The following STK32B variants were observed in gnomAD, a reference collection of about 807,000 sequenced individuals.
STK32B encodes the protein serine/threonine-protein kinase 32B.
In STK32B, 43 loss-of-function variants were observed where a neutral mutation model predicts 52.6. The ratio of observed to expected loss-of-function variants is 0.82; its 90% CI spans 0.64 to 1.05. STK32B has a LOEUF of 1.05. Ranked by LOEUF, STK32B falls within the 50% of genes least tolerant of loss-of-function variation. The probability of loss-of-function intolerance (pLI) is 0.00; values close to 1 mark genes in which losing one functional copy is unlikely to be tolerated. For synonymous variants in STK32B, 238 were observed against 204.3 expected (o/e 1.17, Z -1.41); for missense variants, 621 against 534.6 (o/e 1.16, Z -1.59).
chr4:5,066,413 C>G (rs1442365488), intron 1 of STK32B, among the ~76,000 whole-genome samples: 1 of 152,208 alleles, frequency 6.6e-6, no homozygotes. Context: ...TCAGAACATT[C>G]CCCACTCAAC....
chr4:5,299,989 A>G (rs1008184316), intron 3 of STK32B, among the ~76,000 whole-genome samples: 6 of 151,952 alleles, frequency 3.9e-5, no homozygotes, highest in African/African-American at 7.3e-5. Flanking sequence ...ATAACAAAAA[A>G]AGGAAGCTAC....
chr4:5,250,851 T>C (rs551396751), intron 3 of STK32B, among the ~76,000 whole-genome samples: 146 of 152,280 alleles, frequency 9.6e-4, no homozygotes, highest in African/African-American at 3.2e-3. Flanking sequence ...TTGTTGGTCG[T>C]GTGTATGTCT....
intron 1 of STK32B, among the ~76,000 whole-genome samples, chr4:5,077,308 C>G (rs1252416037): frequency 2.0e-5 from 3 of 152,102 alleles, no homozygotes; most frequent in African/African-American, 7.2e-5. Context: ...TATCTCCTTG[C>G]TGCACGCAGG....
Position 5,347,608 on chromosome 4 carries a change from T to C in STK32B, c.434+16215T>C, listed in dbSNP as rs547402485. On this transcript the variant is annotated intron_variant, in intron 4 of 11. Coordinates refer to ENST00000282908, the MANE Select transcript of STK32B (RefSeq NM_018401.3). ...ATCACCTCATCCATGGAGAGTGATATGGTTTGGCTCTGTGTCCCCACCCAA... is the reference window on the plus strand; with the variant it reads ...ATCACCTCATCCATGGAGAGTGATACGGTTTGGCTCTGTGTCCCCACCCAA... 3.9e-5 allele frequency among the ~76,000 whole-genome samples: 6 copies of C among 152,284 alleles called. No individual in the cohort carries two copies. The South Asian group carries it at 1.2e-3, about 32-fold the overall frequency.
At chr4:5,271,026 C>T (rs1727394185) in intron 3 of STK32B, among the ~76,000 whole-genome samples, 1 of 152,090 alleles carries the variant, frequency 6.6e-6, no homozygotes, top group African/African-American at 2.4e-5. Flanking sequence ...CAACCTCTGC[C>T]TCCCAGATTC....
intron 9 of STK32B, among the ~76,000 whole-genome samples, chr4:5,464,988 T>A (rs925265196): frequency 6.6e-6 from 1 of 151,982 alleles, no homozygotes; most frequent in African/African-American, 2.4e-5. Flanking sequence ...GGGAAGGTGA[T>A]CATAGTTGAG....
chr4:5,333,761 AG>A (rs1230638326), intron 4 of STK32B, among the ~76,000 whole-genome samples: 1 of 152,022 alleles, frequency 6.6e-6, no homozygotes, highest in African/African-American at 2.4e-5. Flanking sequence ...TGTTTTTCTC[AG>A]GTTTGTCAAA....
At chr4:5,132,463 C>G (rs1170960024) in intron 1 of STK32B, among the ~76,000 whole-genome samples, 1 of 152,108 alleles carries the variant, frequency 6.6e-6, no homozygotes, top group Non-Finnish European at 1.5e-5. Context: ...CAAACCTGAA[C>G]TTGCACCCGG....
At chr4:5,086,294 A>C (rs968441308) in intron 1 of STK32B, among the ~76,000 whole-genome samples, 3 of 152,182 alleles carry the variant, frequency 2.0e-5, no homozygotes, top group Non-Finnish European at 4.4e-5. Context: ...GCTGTCAACT[A>C]TCTGGCTGAG....
intron 4 of STK32B, among the ~76,000 whole-genome samples, chr4:5,335,549 T>G (rs1732611152): frequency 2.6e-5 from 4 of 152,158 alleles, no homozygotes; most frequent in African/African-American, 7.2e-5. Flanking sequence ...CTTGCTTTTT[T>G]AGTTCTTTAA....
intron 4 of STK32B, among the ~76,000 whole-genome samples, chr4:5,365,652 CAA>C (rs562361038): frequency 6.8e-4 from 103 of 152,246 alleles, no homozygotes; most frequent in Middle Eastern, 3.4e-3. Flanking sequence ...CATGAAAGTA[CAA>C]AGAGTTTCTA....
chr4:5,318,102 C>T (rs1254975990), intron 3 of STK32B, among the ~76,000 whole-genome samples: 2 of 150,758 alleles, frequency 1.3e-5, no homozygotes, highest in Non-Finnish European at 3.0e-5. Flanking sequence ...TGCTTGTGCA[C>T]GTGTGTGTGT....
chr4:5,043,108 G>A, the STK32B span, among the ~76,000 whole-genome samples: 5 of 82,264 alleles, frequency 6.1e-5, no homozygotes, highest in East Asian at 2.2e-3. Flanking sequence ...GCGAGACTCC[G>A]TCTCAAAAAA....
intron 3 of STK32B, among the ~76,000 whole-genome samples, chr4:5,206,579 A>G (rs759063706): frequency 1.3e-5 from 2 of 152,162 alleles, no homozygotes; most frequent in Non-Finnish European, 2.9e-5. Context: ...TGGCAGATGG[A>G]TAGGCCGATG....
chr4:5,274,232 T>G (rs1727650754), intron 3 of STK32B, among the ~76,000 whole-genome samples: 1 of 152,182 alleles, frequency 6.6e-6, no homozygotes, highest in Non-Finnish European at 1.5e-5. Flanking sequence ...ATTTCAAGTC[T>G]TATTATAAAT....
intron 7 of STK32B, among the ~76,000 whole-genome samples, chr4:5,449,496 A>G (rs115249479): frequency 0.038 from 5,861 of 152,328 alleles, 162 homozygotes; most frequent in Non-Finnish European, 0.057. Context: ...GGAGCCAAGC[A>G]TGCTTTATGG....
intron 3 of STK32B, among the ~76,000 whole-genome samples, chr4:5,211,724 A>G (rs1722915636): frequency 6.6e-6 from 1 of 152,216 alleles, no homozygotes; most frequent in South Asian, 2.1e-4. Context: ...GGGAAGAAAG[A>G]ACAAACACAA....
intron 3 of STK32B, among the ~76,000 whole-genome samples, chr4:5,175,495 TC>T (rs898759107): frequency 2.0e-5 from 3 of 151,574 alleles, no homozygotes; most frequent in Non-Finnish European, 4.4e-5. Context: ...TGGATGTCTT[TC>T]TGTTTTTTAG....
At chr4:5,364,637 C>T (rs1734759846) in intron 4 of STK32B, among the ~76,000 whole-genome samples, 1 of 152,188 alleles carries the variant, frequency 6.6e-6, no homozygotes, top group Non-Finnish European at 1.5e-5. Context: ...AACCACGTAC[C>T]ACCTGTCTGG....
Sources: gnomAD v4.1 joint callset for allele counts (sites outside exome capture counted in the v4.1 genomes callset) on GRCh38, gnomAD v4.1.1 for gene constraint, MANE v1.5 for transcripts, NCBI Gene and HGNC (gene_info 2026-07-23, HGNC 2026-07-21) for gene names.